CAND1: variants seen among roughly 807,000 people sequenced by gnomAD.
The protein encoded by CAND1 is cullin-associated NEDD8-dissociated protein 1.
A neutral mutation model predicts 108.5 loss-of-function variants in CAND1; 7 were observed. That is an observed-to-expected ratio of 0.06 (90% confidence interval 0.04 to 0.12). The LOEUF (loss-of-function observed/expected upper bound fraction) is 0.12, where lower values mean the gene tolerates loss of function less well. CAND1 is among the 10% of genes least tolerant of loss of function. CAND1 has a pLI of 1.00. For missense variants in CAND1, 941 were observed against 1,448.7 expected (o/e 0.65, Z 5.69); for synonymous variants, 534 against 512.0 (o/e 1.04, Z -0.58).
chr12:67,286,001 TTTTA>T (rs2044667223), intron 2 of CAND1, among the ~76,000 whole-genome samples: 1 of 152,114 alleles, frequency 6.6e-6, no homozygotes. Flanking sequence ...CTTTGTTTTA[TTTTA>T]TTTATTATTA....
intron 1 of CAND1, among the ~76,000 whole-genome samples, chr12:67,272,602 T>G (rs535175418): frequency 2.6e-5 from 4 of 152,198 alleles, no homozygotes; most frequent in Non-Finnish European, 5.9e-5. Context: ...AATGAGATAT[T>G]AAGACTTAGG....
intron 1 of CAND1, among the ~76,000 whole-genome samples, chr12:67,276,275 G>A (rs1451580965): frequency 6.6e-6 from 1 of 152,136 alleles, no homozygotes; most frequent in Non-Finnish European, 1.5e-5. Context: ...AGTCTCCCTA[G>A]TCTCCTAATA....
intron 2 of CAND1, among the ~76,000 whole-genome samples, chr12:67,286,490 G>GT (rs1294613903): frequency 1.3e-5 from 2 of 151,294 alleles, no homozygotes; most frequent in African/African-American, 4.8e-5. Flanking sequence ...CAGTAGGTGT[G>GT]TAAGTGTGGT....
At chr12:67,295,406 A>T (rs2044760147) in intron 4 of CAND1, among the ~76,000 whole-genome samples, 1 of 152,018 alleles carries the variant, frequency 6.6e-6, no homozygotes, top group Non-Finnish European at 1.5e-5. Context: ...GTGATTTTAA[A>T]TTTTTTTTAG....
intron 2 of CAND1, among the ~76,000 whole-genome samples, chr12:67,290,875 G>A (rs61195985): frequency 0.028 from 4,203 of 152,270 alleles, 93 homozygotes; most frequent in East Asian, 0.09. Context: ...TTTGCCTCCT[G>A]TCAGATCAGC....
At position 67,316,435 on chromosome 12, in the gene CAND1, G is replaced by A. The variant is rs1254053803; in HGVS notation, c.*3605G>A. The stretch of plus-strand genomic sequence containing the variant: ...TTGTTTTCCTATGAATATCAGAAAA[G>A]ATTTTGTAAACACCTTTGCTGTAGT... On this transcript the variant is annotated 3_prime_UTR_variant, in exon 15 of 15. Transcript: ENST00000545606. 1.3e-5 allele frequency: 2 copies of A among 152,170 alleles called. No homozygotes were observed. Among genetic ancestry groups the A allele is most frequent in the Admixed American group, 6.5e-5 (1 of 15,272 alleles). 9.4% of individuals were successfully genotyped at this position (152,170 alleles called of 1,614,324 possible).
intron 8 of CAND1, among the ~76,000 whole-genome samples, chr12:67,303,248 C>G (rs969610737): frequency 4.6e-5 from 7 of 152,126 alleles, no homozygotes; most frequent in East Asian, 1.9e-4. Flanking sequence ...TACAGCAGCC[C>G]TATGGGATGC....
intron 13 of CAND1, 114 bp from the exon 14 acceptor site, chr12:67,311,579 G>C (rs2044950805): frequency 3.0e-6 from 2 of 663,482 alleles, no homozygotes; most frequent in Non-Finnish European, 5.4e-6. Flanking sequence ...TACATTAAAA[G>C]GAAGGTTTAC....
intron 1 of CAND1, among the ~76,000 whole-genome samples, chr12:67,276,964 A>G (rs908686253): frequency 6.6e-6 from 1 of 152,222 alleles, no homozygotes; most frequent in African/African-American, 2.4e-5. Context: ...CAGTTTAACC[A>G]AAGTTAATCC....
rs1399372357 is a variant in CAND1 at position 67,315,677 on chromosome 12, C to T, written c.*2847C>T. The T allele has an allele frequency of 7.2e-6, 1 of 139,334 alleles. No homozygotes were observed. The highest frequency in any genetic ancestry group is 1.5e-5 in the Non-Finnish European group (1 of 67,594). The allele number at this position is 139,334 out of a possible 1,614,324, so 8.6% of individuals were successfully genotyped here. A position where few individuals can be genotyped will look rare whatever the true frequency, so the allele number is the denominator to read the frequency against. On this transcript the variant is annotated 3_prime_UTR_variant, in exon 15 of 15. Coordinates refer to ENST00000545606, the MANE Select transcript of CAND1 (RefSeq NM_018448.5). Reference sequence around the variant, plus strand: ...GAATATTTACATAATTTTTATGTAACCATAATTAAACCAAATTAGTCTTTT... The same window carrying T: ...GAATATTTACATAATTTTTATGTAATCATAATTAAACCAAATTAGTCTTTT...
chr12:67,281,438 G>C (rs1234827027), intron 1 of CAND1, among the ~76,000 whole-genome samples: 3 of 152,150 alleles, frequency 2.0e-5, no homozygotes, highest in Admixed American at 2.0e-4. Flanking sequence ...TACTTGTTTT[G>C]AAAGTGTTCT....
chr12:67,280,562 A>T (rs1238745049), intron 1 of CAND1, among the ~76,000 whole-genome samples: 2 of 152,230 alleles, frequency 1.3e-5, no homozygotes, highest in African/African-American at 4.8e-5. Context: ...TAGTTATCTT[A>T]GTTGGATTGC....
At chr12:67,273,792 A>G (rs757031950) in intron 1 of CAND1, among the ~76,000 whole-genome samples, 6 of 152,014 alleles carry the variant, frequency 3.9e-5, no homozygotes, top group African/African-American at 7.2e-5. Context: ...TTTTATTTTC[A>G]TATTCTTCAA....
chr12:67,294,138 A>G lies in CAND1; in HGVS notation c.368-895A>G, dbSNP rs1012118393. On this transcript the variant is annotated intron_variant, in intron 3 of 14. Transcript: ENST00000545606. Reference sequence around the variant, plus strand: ...ATTTATAATTGTATTAGCTATGTATATATTTTTTAATTTTTTTTCTCTCAT... The same window carrying G: ...ATTTATAATTGTATTAGCTATGTATGTATTTTTTAATTTTTTTTCTCTCAT... 2.4e-4 allele frequency among the ~76,000 whole-genome samples: 37 copies of G among 152,346 alleles called. No individual in the cohort carries two copies. The East Asian group carries it at 6.6e-3, about 27-fold the overall frequency.
intron 1 of CAND1, among the ~76,000 whole-genome samples, chr12:67,275,832 T>C (rs1565713255): frequency 6.6e-6 from 1 of 152,212 alleles, no homozygotes; most frequent in Non-Finnish European, 1.5e-5. Context: ...TTCCTTATGT[T>C]GGTGCCCTCA....
intron 3 of CAND1, 51 bp from the exon 4 acceptor site, chr12:67,294,982 G>A (rs1220493812): frequency 2.5e-6 from 4 of 1,579,606 alleles, no homozygotes; most frequent in Admixed American, 1.7e-5. Context: ...AATATAAGAG[G>A]GAATTCAACA....
intron 6 of CAND1, among the ~76,000 whole-genome samples, chr12:67,298,706 A>T (rs1159601493): frequency 6.6e-6 from 1 of 152,166 alleles, no homozygotes; most frequent in Non-Finnish European, 1.5e-5. Flanking sequence ...CCATACATTA[A>T]CCATAACATA....
In CAND1 at chr12:67,306,575, G is replaced by A; in HGVS notation, c.2907G>A (p.Arg969=). ...TLIDPETLLP[R]LKGYLISGSS... is the part of the protein sequence containing the mutation. ...TTGATCCAGAAACTCTCCTTCCACG[G>A]CTTAAGGGGTACTTGATATCAGGTA... The change falls in exon 10 of 15, where the codon CGG becomes CGA. Residue 969 remains arginine (R), a synonymous_variant. Transcript: ENST00000545606. 6.2e-7 allele frequency: 1 copy of A among 1,608,360 alleles called. No individual in the cohort carries two copies. The highest frequency in any genetic ancestry group is 8.5e-7 in the Non-Finnish European group (1 of 1,177,366).
At chr12:67,281,732 C>G (rs933503404) in intron 1 of CAND1, among the ~76,000 whole-genome samples, 178 bp from the exon 2 acceptor site, 7 of 152,114 alleles carry the variant, frequency 4.6e-5, no homozygotes, top group Non-Finnish European at 8.8e-5. Flanking sequence ...CATTATTGCT[C>G]TTTTCCTTGG....
Sources: gnomAD v4.1 joint callset for allele counts (sites outside exome capture counted in the v4.1 genomes callset) on GRCh38, gnomAD v4.1.1 for gene constraint, MANE v1.5 for transcripts, NCBI Gene and HGNC (gene_info 2026-07-23, HGNC 2026-07-21) for gene names.